AGMO: variants seen among roughly 807,000 people sequenced by gnomAD.
AGMO encodes the protein glyceryl-ether monooxygenase.
A neutral mutation model predicts 60.2 loss-of-function variants in AGMO; 75 were observed. That is an observed-to-expected ratio of 1.25 (90% CI 1.03 to 1.51). The LOEUF (loss-of-function observed/expected upper bound fraction) is 1.51, where lower values mean the gene tolerates loss of function less well. Ranked by LOEUF, AGMO falls within the 40% of genes most tolerant of loss-of-function variation. The pLI, the probability that AGMO is intolerant of heterozygous loss-of-function variation, is 0.00. For synonymous variants in AGMO, 261 were observed against 177.1 expected, an observed-to-expected ratio of 1.47 and a Z score of -3.76; for missense variants, 763 against 525.5, an observed-to-expected ratio of 1.45 and a Z score of -4.42.
chr7:15,510,746 C>G (rs1199989557), intron 3 of AGMO, among the ~76,000 whole-genome samples: 2 of 150,018 alleles, frequency 1.3e-5, no homozygotes, highest in Non-Finnish European at 3.0e-5. Context: ...ACTGTTAAGT[C>G]TCTACTTAAC....
At chr7:15,447,764 G>A (rs1370181801) in intron 3 of AGMO, among the ~76,000 whole-genome samples, 2 of 151,956 alleles carry the variant, frequency 1.3e-5, no homozygotes, top group East Asian at 1.9e-4. Flanking sequence ...TGTTGGCCAG[G>A]CTGGTCTTGA....
chr7:15,307,495 T>C (rs1780650181), intron 12 of AGMO, among the ~76,000 whole-genome samples: 1 of 152,040 alleles, frequency 6.6e-6, no homozygotes, highest in Non-Finnish European at 1.5e-5. Flanking sequence ...CTAGTAAGGA[T>C]GTTCTGAAAT....
chr7:15,248,196 A>ATG (rs1782814286), intron 12 of AGMO, among the ~76,000 whole-genome samples: 6 of 77,590 alleles, frequency 7.7e-5, no homozygotes, highest in Admixed American at 2.5e-4. Flanking sequence ...ATATATATAT[A>ATG]TATATATATA....
intron 12 of AGMO, among the ~76,000 whole-genome samples, chr7:15,335,450 C>T (rs946018802): frequency 6.6e-6 from 1 of 152,034 alleles, no homozygotes. Flanking sequence ...ATTATAATTA[C>T]TTTTTTAGAA....
At chr7:15,366,358 G>A (rs532565160) in intron 10 of AGMO, 136 bp from the exon 11 acceptor site, 4 of 523,074 alleles carry the variant, frequency 7.6e-6, no homozygotes, top group African/African-American at 3.9e-5. Context: ...CAGAAAGCTT[G>A]ACTACACAGA....
chr7:15,368,858 G>T (rs1289536676), intron 10 of AGMO, among the ~76,000 whole-genome samples: 4 of 152,086 alleles, frequency 2.6e-5, no homozygotes, highest in Non-Finnish European at 5.9e-5. Flanking sequence ...ACTGCATCCT[G>T]ACTACTGGAC....
chr7:15,172,275 C>T, the AGMO span, among the ~76,000 whole-genome samples: 13 of 152,278 alleles, frequency 8.5e-5, no homozygotes, highest in South Asian at 2.1e-3. Flanking sequence ...ATAGAGGATA[C>T]GTCCCCAGAC....
chr7:15,265,925 C>T (rs1783418941), intron 12 of AGMO, among the ~76,000 whole-genome samples: 1 of 152,070 alleles, frequency 6.6e-6, no homozygotes, highest in Non-Finnish European at 1.5e-5. Context: ...ATGGTATACA[C>T]ATACAATAGA....
intron 3 of AGMO, among the ~76,000 whole-genome samples, chr7:15,459,599 T>TTGTGTGTG (rs754526222): frequency 0.029 from 4,149 of 142,212 alleles, 92 homozygotes; most frequent in Middle Eastern, 0.04. Flanking sequence ...GTATGTGCGT[T>TTGTGTGTG]TGTGTGTGTG....
At chr7:15,204,839 T>C (rs1161076887) in intron 12 of AGMO, among the ~76,000 whole-genome samples, 1 of 152,110 alleles carries the variant, frequency 6.6e-6, no homozygotes, top group East Asian at 1.9e-4. Context: ...GCTGCTCCTC[T>C]CAGTTATGTG....
chr7:15,369,618 C>G (rs978106837), intron 10 of AGMO, among the ~76,000 whole-genome samples: 3 of 152,068 alleles, frequency 2.0e-5, no homozygotes, highest in Non-Finnish European at 2.9e-5. Context: ...CTCCATAACT[C>G]TCTGTAACCA....
chr7:15,188,060 G>A, the AGMO span, among the ~76,000 whole-genome samples: 5 of 152,220 alleles, frequency 3.3e-5, no homozygotes, highest in East Asian at 5.8e-4. Context: ...AATGAGACCC[G>A]CTGCCATGAA....
intron 10 of AGMO, among the ~76,000 whole-genome samples, chr7:15,370,243 T>C (rs775106978): frequency 1.3e-5 from 2 of 152,232 alleles, no homozygotes; most frequent in African/African-American, 2.4e-5. Context: ...TTCTTTTTCA[T>C]GCCTGCATAG....
chr7:15,409,186 A>AAT (rs1784777839), intron 5 of AGMO, among the ~76,000 whole-genome samples: 2 of 151,954 alleles, frequency 1.3e-5, no homozygotes, highest in South Asian at 4.1e-4. Flanking sequence ...GGCCTCTGAA[A>AAT]ATAGGTTAGA....
intron 12 of AGMO, among the ~76,000 whole-genome samples, chr7:15,319,798 T>C (rs542484238): frequency 1.3e-5 from 2 of 152,168 alleles, no homozygotes; most frequent in Non-Finnish European, 2.9e-5. Flanking sequence ...TAATTATTAT[T>C]ATATGTCTTT....
rs116598557 is a variant in AGMO at position 15,324,676 on chromosome 7, G to A, written c.1263+40838C>T. Reference sequence around the variant, plus strand: ...AATTTTCCCACAGATGGTGGGGGGCGGTGTCGGGGAGAAGATACGGTTTCA... The same window carrying A: ...AATTTTCCCACAGATGGTGGGGGGCAGTGTCGGGGAGAAGATACGGTTTCA... On this transcript the variant is annotated intron_variant, in intron 12 of 12. Transcript: ENST00000342526. 5.5e-3 allele frequency among the ~76,000 whole-genome samples: 837 copies of A among 152,182 alleles called. 12 individuals are homozygous for A. Among genetic ancestry groups the A allele is most frequent in the African/African-American group, 0.019 (775 of 41,514 alleles).
the AGMO span, among the ~76,000 whole-genome samples, chr7:15,117,604 G>C: frequency 0.33 from 50,814 of 151,774 alleles, 10,422 homozygotes; most frequent in East Asian, 0.68. Context: ...GGGTACACAA[G>C]AAACCCAATC....
At chr7:15,539,259 C>A (rs998910590) in intron 3 of AGMO, among the ~76,000 whole-genome samples, 4 of 152,010 alleles carry the variant, frequency 2.6e-5, no homozygotes, top group African/African-American at 9.7e-5. Context: ...AAGCATAGCA[C>A]CTGATAGGTA....
In AGMO at chr7:15,455,304, A is replaced by ACCGGGCTCTGCCATC. The variant is rs1328900158; in HGVS notation, c.410-24197_410-24196insGATGGCAGAGCCCGG. ...CTTCTCTACAATCTATCATTAGTTT[A>ACCGGGCTCTGCCATC]TTCCCAAATTCTGCTGCAGAAATAT... On this transcript the variant is annotated intron_variant, in intron 3 of 12. Coordinates refer to ENST00000342526, the MANE Select transcript of AGMO (RefSeq NM_001004320.2). 2.6e-5 allele frequency among the ~76,000 whole-genome samples: 4 copies of ACCGGGCTCTGCCATC among 152,204 alleles called. No individual in the cohort carries two copies. The East Asian group carries it at 7.7e-4, about 29-fold the overall frequency.
Sources: allele counts gnomAD v4.1 joint callset (sites outside exome capture counted in the v4.1 genomes callset), GRCh38; gene constraint gnomAD v4.1.1; transcripts MANE v1.5; gene names NCBI Gene and HGNC (gene_info 2026-07-23, HGNC 2026-07-21).